Variants in TBC1D5 observed in about 807,000 individuals in gnomAD.
TBC1D5 encodes the protein TBC1 domain family, member 5.
A neutral mutation model predicts 100.3 loss-of-function variants in TBC1D5; 75 were observed. The observed-to-expected ratio is 0.75, with a 90% CI of 0.62 to 0.91. The LOEUF (loss-of-function observed/expected upper bound fraction) is 0.91, where lower values mean the gene tolerates loss of function less well. TBC1D5 is among the 40% of genes least tolerant of loss of function. TBC1D5 has a pLI of 0.00. For synonymous variants in TBC1D5, 323 were observed against 325.6 expected, an observed-to-expected ratio of 0.99 and a Z score of 0.09; for missense variants, 910 against 942.4, an observed-to-expected ratio of 0.97 and a Z score of 0.45.
exon 22 of TBC1D5, chr3:17,161,168 C>G: frequency 6.2e-7 from 1 of 1,614,152 alleles, no homozygotes; most frequent in Non-Finnish European, 8.5e-7. Flanking sequence ...GAAGGAGCCC[C>G]TGGCACTGCT....
chr3:17,628,687 G>A (rs1455301532), intron 1 of TBC1D5, among the ~76,000 whole-genome samples: 2 of 152,202 alleles, frequency 1.3e-5, no homozygotes, highest in African/African-American at 4.8e-5. Flanking sequence ...ACCATCATAT[G>A]CAAAGAAGAG....
intron 2 of TBC1D5, among the ~76,000 whole-genome samples, chr3:17,621,646 G>C (rs2062666150): frequency 6.6e-6 from 1 of 151,752 alleles, no homozygotes; most frequent in African/African-American, 2.4e-5. Context: ...CCTAACCAGA[G>C]ACATCTATCA....
chr3:17,601,720 GA>G (rs1265050368), intron 2 of TBC1D5, among the ~76,000 whole-genome samples: 3 of 152,258 alleles, frequency 2.0e-5, no homozygotes, highest in Admixed American at 6.5e-5. Flanking sequence ...CTCTGTAGGG[GA>G]AAACCCCACG....
chr3:17,269,515 G>A (rs1033172644), intron 15 of TBC1D5, among the ~76,000 whole-genome samples: 1 of 151,996 alleles, frequency 6.6e-6, no homozygotes, highest in Non-Finnish European at 1.5e-5. Context: ...TTAGATTCAT[G>A]GGGTACATGT....
chr3:17,539,707 C>T (rs75316299), intron 2 of TBC1D5, among the ~76,000 whole-genome samples: 107 of 152,202 alleles, frequency 7.0e-4, no homozygotes, highest in Non-Finnish European at 1.3e-3. Flanking sequence ...TTGGCTGAGA[C>T]GAAGGGTTCA....
At chr3:17,251,353 G>C (rs911711155) in intron 16 of TBC1D5, among the ~76,000 whole-genome samples, 1 of 150,822 alleles carries the variant, frequency 6.6e-6, no homozygotes, top group Non-Finnish European at 1.5e-5. Flanking sequence ...CTATTAAAGA[G>C]TTGGTGCATT....
intron 17 of TBC1D5, among the ~76,000 whole-genome samples, chr3:17,222,324 T>A (rs535808368): frequency 6.6e-6 from 1 of 152,352 alleles, no homozygotes; most frequent in African/African-American, 2.4e-5. Context: ...TGGTAATTTT[T>A]AAACATTTCC....
intron 1 of TBC1D5, among the ~76,000 whole-genome samples, chr3:17,646,186 G>T (rs1205037044): frequency 2.0e-5 from 3 of 152,036 alleles, no homozygotes; most frequent in Non-Finnish European, 4.4e-5. Context: ...GAAAGAAGAT[G>T]GCCATGTGAC....
At chr3:17,163,307 A>G (rs188466336) in intron 21 of TBC1D5, among the ~76,000 whole-genome samples, 143 of 149,858 alleles carry the variant, frequency 9.5e-4, no homozygotes, top group African/African-American at 3.4e-3. Flanking sequence ...AACGAGCCCA[A>G]ATAGGAGACC....
chr3:17,406,555 T>C, intron 4 of TBC1D5, 29 bp from the exon 5 acceptor site: 4 of 1,586,344 alleles, frequency 2.5e-6, no homozygotes, highest in Non-Finnish European at 3.4e-6. Flanking sequence ...AGCATGAGAA[T>C]CCTTTTGTTA....
At chr3:17,202,853 T>A (rs1342106308) in intron 18 of TBC1D5, among the ~76,000 whole-genome samples, 1 of 152,220 alleles carries the variant, frequency 6.6e-6, no homozygotes, top group East Asian at 1.9e-4. Context: ...TGGAAACTGC[T>A]GGATGGTGGA....
chr3:17,434,967 G>A (rs942224503), intron 3 of TBC1D5, among the ~76,000 whole-genome samples: 2 of 152,130 alleles, frequency 1.3e-5, no homozygotes, highest in African/African-American at 4.8e-5. Context: ...CTAGGGCAGG[G>A]GCAAAATGCC....
chr3:17,645,453 A>C (rs958597385), intron 1 of TBC1D5, among the ~76,000 whole-genome samples: 34 of 152,246 alleles, frequency 2.2e-4, no homozygotes, highest in African/African-American at 7.2e-4. Context: ...TGGTAACTCT[A>C]CTTCTGTTCA....
intron 1 of TBC1D5, among the ~76,000 whole-genome samples, chr3:17,624,531 C>G (rs944213050): frequency 6.6e-6 from 1 of 151,986 alleles, no homozygotes; most frequent in Non-Finnish European, 1.5e-5. Context: ...TGCAGAAATA[C>G]ACCTAATAAC....
intron 8 of TBC1D5, among the ~76,000 whole-genome samples, chr3:17,390,951 T>G (rs1312911407): frequency 2.0e-5 from 3 of 152,096 alleles, no homozygotes; most frequent in Non-Finnish European, 4.4e-5. Context: ...TTTCCCAGCT[T>G]CCTTTTCAGT....
intron 3 of TBC1D5, among the ~76,000 whole-genome samples, chr3:17,484,965 T>C (rs2095544203): frequency 6.6e-6 from 1 of 152,128 alleles, no homozygotes; most frequent in Non-Finnish European, 1.5e-5. Context: ...TGACTTACTT[T>C]TGCAAGGTAA....
At chr3:17,473,011 T>A (rs2095397457) in intron 3 of TBC1D5, among the ~76,000 whole-genome samples, 1 of 152,186 alleles carries the variant, frequency 6.6e-6, no homozygotes, top group Non-Finnish European at 1.5e-5. Context: ...TATCACAAAG[T>A]ACTGATCTCC....
intron 1 of TBC1D5, among the ~76,000 whole-genome samples, chr3:17,727,549 G>A (rs1252724723): frequency 2.0e-5 from 3 of 152,092 alleles, no homozygotes; most frequent in East Asian, 3.8e-4. Flanking sequence ...TAACCCAAAC[G>A]TTTATTAAAT....
intron 1 of TBC1D5, among the ~76,000 whole-genome samples, chr3:17,627,966 T>C (rs1252858590): frequency 2.0e-5 from 3 of 152,180 alleles, no homozygotes; most frequent in African/African-American, 4.8e-5. Context: ...TCTCTCAGGT[T>C]TAGGTCAGTA....
Sources: gnomAD v4.1 joint callset for allele counts (sites outside exome capture counted in the v4.1 genomes callset) on GRCh38, gnomAD v4.1.1 for gene constraint, MANE v1.5 for transcripts, NCBI Gene and HGNC (gene_info 2026-07-23, HGNC 2026-07-21) for gene names.